RABGAP1L: variants seen among roughly 807,000 people sequenced by gnomAD.
The protein encoded by RABGAP1L is RAB GTPase activating protein 1 like, also known as rab GTPase-activating protein 1-like.
In RABGAP1L, 63 loss-of-function variants were observed where a neutral mutation model predicts 137.7. The observed-to-expected ratio is 0.46, with a 90% CI of 0.37 to 0.56. RABGAP1L has a LOEUF of 0.56. Among genes scored for constraint, RABGAP1L ranks in the 20% least tolerant of loss-of-function variants. The probability of loss-of-function intolerance (pLI) is 0.00; values close to 1 mark genes in which losing one functional copy is unlikely to be tolerated. For missense variants in RABGAP1L, 1,095 were observed against 1,244.0 expected (o/e 0.88, Z 1.80); for synonymous variants, 431 against 433.7 (o/e 0.99, Z 0.08).
chr1:174,633,812 G>T (rs1462063899), intron 13 of RABGAP1L, among the ~76,000 whole-genome samples: 2 of 135,234 alleles, frequency 1.5e-5, no homozygotes, highest in Non-Finnish European at 3.1e-5. Context: ...AAATGGTGCT[G>T]GGAAAACTGG....
chr1:174,496,715 G>A (rs976222664), intron 13 of RABGAP1L, among the ~76,000 whole-genome samples: 7 of 152,286 alleles, frequency 4.6e-5, no homozygotes, highest in Middle Eastern at 3.4e-3. Context: ...CCATGACCAT[G>A]AAACAACTCA....
At chr1:174,530,347 T>C (rs1664281703) in intron 13 of RABGAP1L, among the ~76,000 whole-genome samples, 1 of 152,128 alleles carries the variant, frequency 6.6e-6, no homozygotes, top group Non-Finnish European at 1.5e-5. Context: ...ACATAATCTG[T>C]TGTAGACAGC....
At chr1:174,670,354 G>C (rs1216138526) in intron 14 of RABGAP1L, among the ~76,000 whole-genome samples, 1 of 151,738 alleles carries the variant, frequency 6.6e-6, no homozygotes, top group African/African-American at 2.4e-5. Flanking sequence ...TGGAGAATGG[G>C]GTATTCATGC....
At chr1:174,415,641 T>C (rs557781079) in intron 13 of RABGAP1L, among the ~76,000 whole-genome samples, 2 of 152,242 alleles carry the variant, frequency 1.3e-5, no homozygotes, top group East Asian at 1.9e-4. Flanking sequence ...TTGCTCTTTA[T>C]ATCTTCAGTT....
At chr1:174,783,767 G>GCACTCCAGGTCACTGGAGT (rs1687223010) in intron 18 of RABGAP1L, among the ~76,000 whole-genome samples, 1 of 135,770 alleles carries the variant, frequency 7.4e-6, no homozygotes, top group Non-Finnish European at 1.5e-5. Flanking sequence ...GGAGTGCAGT[G>GCACTCCAGGTCACTGGAGT]GCGTGATCCC....
intron 22 of RABGAP1L, 23 bp from the exon 23 acceptor site, chr1:174,978,784 A>G: frequency 6.6e-7 from 1 of 1,517,080 alleles, no homozygotes; most frequent in Non-Finnish European, 8.8e-7. Flanking sequence ...AAATCCTGAT[A>G]TTTCTCATTC....
intron 13 of RABGAP1L, among the ~76,000 whole-genome samples, chr1:174,534,520 T>TAATC (rs1208986905): frequency 4.6e-5 from 7 of 152,056 alleles, no homozygotes; most frequent in African/African-American, 1.7e-4. Context: ...CTCACGCCTG[T>TAATC]AATCCCAGCT....
At chr1:174,174,847 A>C (rs1174007568) in intron 1 of RABGAP1L, among the ~76,000 whole-genome samples, 1 of 152,162 alleles carries the variant, frequency 6.6e-6, no homozygotes, top group African/African-American at 2.4e-5. Context: ...GTAAGGGTAG[A>C]TCGTTCTTAC....
intron 19 of RABGAP1L, among the ~76,000 whole-genome samples, chr1:174,833,466 A>ATATATATATATATATATATATAT (rs71117580): frequency 0.015 from 914 of 61,024 alleles, 108 homozygotes; most frequent in East Asian, 0.029. Context: ...ATATATATAT[A>ATATATATATATATATATATATAT]TAGTAGAGAC....
chr1:174,300,499 AC>A (rs1677576787), intron 10 of RABGAP1L, among the ~76,000 whole-genome samples: 1 of 134,644 alleles, frequency 7.4e-6, no homozygotes, highest in African/African-American at 3.0e-5. Flanking sequence ...ATTGCACTCC[AC>A]CCTGGGTAAC....
At chr1:174,777,025 T>C (rs970166163) in intron 18 of RABGAP1L, among the ~76,000 whole-genome samples, 1 of 152,216 alleles carries the variant, frequency 6.6e-6, no homozygotes, top group Admixed American at 6.5e-5. Context: ...TATTGTGACA[T>C]GACATAAAAA....
At chr1:174,766,681 G>A (rs531621933) in intron 18 of RABGAP1L, among the ~76,000 whole-genome samples, 3 of 152,336 alleles carry the variant, frequency 2.0e-5, no homozygotes, top group South Asian at 4.1e-4. Context: ...CCATTGAGGA[G>A]TAATGCCATC....
intron 13 of RABGAP1L, among the ~76,000 whole-genome samples, chr1:174,538,051 C>A (rs1200923809): frequency 6.6e-6 from 1 of 152,182 alleles, no homozygotes; most frequent in Non-Finnish European, 1.5e-5. Flanking sequence ...CCTGGTAATG[C>A]TCTCTACAAT....
At chr1:174,312,387 C>CT (rs550159180) in intron 11 of RABGAP1L, among the ~76,000 whole-genome samples, 7 of 151,328 alleles carry the variant, frequency 4.6e-5, no homozygotes, top group South Asian at 2.1e-4. Context: ...ATTTGTATGT[C>CT]TTTTTTTTTC....
intron 19 of RABGAP1L, among the ~76,000 whole-genome samples, chr1:174,940,221 G>A (rs1190943564): frequency 1.3e-5 from 2 of 149,968 alleles, no homozygotes; most frequent in Non-Finnish European, 3.0e-5. Context: ...CTTCCTAAAT[G>A]TCCTTTCAAT....
intron 12 of RABGAP1L, among the ~76,000 whole-genome samples, chr1:174,377,108 T>C (rs974354122): frequency 1.2e-4 from 19 of 152,076 alleles, no homozygotes; most frequent in Non-Finnish European, 2.6e-4. Flanking sequence ...AAAAGCACCA[T>C]AAAGGAAAAC....
In RABGAP1L at chr1:174,982,986, C is replaced by T. The variant is rs540043360; in HGVS notation, c.2805+81C>T. On this transcript the variant is annotated intron_variant, in intron 24 of 25. Transcript: ENST00000681986. ...AAGTACCTGAAAGAACCCCAAACAC[C>T]ACCATTTTGTATTAAAGGATTTATT... 4 of 1,366,484 alleles carry T rather than the reference C, an allele frequency of 2.9e-6. No homozygotes were observed. In the East Asian group the frequency reaches 7.5e-5, roughly 26 times the overall value. 84.6% of individuals were successfully genotyped at this position (1,366,484 alleles called of 1,614,324 possible).
At chr1:174,792,875 A>G (rs1687964425) in intron 18 of RABGAP1L, among the ~76,000 whole-genome samples, 1 of 152,172 alleles carries the variant, frequency 6.6e-6, no homozygotes, top group African/African-American at 2.4e-5. Context: ...GCTCACGCCT[A>G]TAATCCTAGC....
At chr1:174,221,309 C>T in intron 3 of RABGAP1L, 145 bp downstream of exon 3, 4 of 641,734 alleles carry the variant, frequency 6.2e-6, no homozygotes, top group Non-Finnish European at 1.0e-5. Flanking sequence ...TATGTTTCTG[C>T]CTATATCTCT....
Sources: allele counts gnomAD v4.1 joint callset (sites outside exome capture counted in the v4.1 genomes callset), GRCh38; gene constraint gnomAD v4.1.1; transcripts MANE v1.5; gene names NCBI Gene and HGNC (gene_info 2026-07-23, HGNC 2026-07-21).